Variants in ATRNL1 observed in about 807,000 individuals in gnomAD.
The protein encoded by ATRNL1 is attractin-like protein 1.
Under a neutral mutation model 182.7 loss-of-function variants are expected in ATRNL1, and 95 were observed. That is an observed-to-expected ratio of 0.52 (90% CI 0.44 to 0.62). The LOEUF (loss-of-function observed/expected upper bound fraction) is 0.62. Among genes scored for constraint, ATRNL1 ranks in the 20% least tolerant of loss-of-function variants. ATRNL1 has a pLI of 0.00. For synonymous variants in ATRNL1, 576 were observed against 568.3 expected (o/e 1.01, Z -0.19); for missense variants, 1,471 against 1,679.5 (o/e 0.88, Z 2.17).
intron 19 of ATRNL1, among the ~76,000 whole-genome samples, chr10:115,388,547 T>C (rs1369002156): frequency 1.3e-5 from 2 of 152,258 alleles, no homozygotes; most frequent in Non-Finnish European, 2.9e-5. Flanking sequence ...GGCTCTACTT[T>C]AGCGCATGTA....
intron 20 of ATRNL1, among the ~76,000 whole-genome samples, chr10:115,405,625 A>G (rs1192464567): frequency 5.3e-5 from 8 of 152,012 alleles, no homozygotes; most frequent in Admixed American, 4.6e-4. Flanking sequence ...CTGTAATGTG[A>G]TCCTATTCAA....
At chr10:115,441,723 A>G (rs1197014996) in intron 21 of ATRNL1, among the ~76,000 whole-genome samples, 1 of 151,922 alleles carries the variant, frequency 6.6e-6, no homozygotes, top group Non-Finnish European at 1.5e-5. Flanking sequence ...GTTTTTCCTC[A>G]TTTTATAAAA....
rs1169884107 is a variant in ATRNL1, at chr10:115,230,870, T to TGAGAGAGAGAGAGAGA, written c.1533-10664_1533-10649dup. Among the ~76,000 whole-genome samples, 352 of 83,690 alleles carry TGAGAGAGAGAGAGAGA rather than the reference T, an allele frequency of 4.2e-3. 7 individuals are homozygous for TGAGAGAGAGAGAGAGA. Among genetic ancestry groups the TGAGAGAGAGAGAGAGA allele is most frequent in the Middle Eastern group, 0.016 (2 of 124 alleles). The allele number at this position is 83,690 out of a possible 152,430, so 54.9% of individuals were successfully genotyped here. A position where few individuals can be genotyped will look rare whatever the true frequency, so the allele number is the denominator to read the frequency against. On this transcript the variant is annotated intron_variant, in intron 9 of 28. Transcript: ENST00000355044. ...ACTAGGGGACTGGATATAGAGTGGA[T>TGAGAGAGAGAGAGAGA]GAGAGAGAGAGAGAGAGAGAGAGAG...
intron 27 of ATRNL1, among the ~76,000 whole-genome samples, chr10:115,779,890 G>T (rs965338039): frequency 3.3e-5 from 5 of 152,146 alleles, no homozygotes; most frequent in Non-Finnish European, 7.4e-5. Flanking sequence ...TGGAAAAATG[G>T]TTCTTTGAGA....
intron 26 of ATRNL1, among the ~76,000 whole-genome samples, chr10:115,722,326 C>A (rs551255634): frequency 1.6e-3 from 248 of 152,142 alleles, no homozygotes; most frequent in Non-Finnish European, 3.0e-3. Context: ...TAATGACTAA[C>A]ATCACTATCT....
chr10:115,768,971 G>T (rs959158281), intron 27 of ATRNL1, among the ~76,000 whole-genome samples: 2 of 151,818 alleles, frequency 1.3e-5, no homozygotes, highest in East Asian at 1.9e-4. Flanking sequence ...AATTTAAATT[G>T]TATTATTAAA....
At chr10:115,397,515 A>G (rs1433125671) in intron 20 of ATRNL1, among the ~76,000 whole-genome samples, 4 of 151,992 alleles carry the variant, frequency 2.6e-5, no homozygotes, top group Admixed American at 2.6e-4. Context: ...CATTGCAACA[A>G]TACCACAATG....
intron 27 of ATRNL1, among the ~76,000 whole-genome samples, chr10:115,817,710 T>A (rs1950195265): frequency 6.6e-6 from 1 of 151,986 alleles, no homozygotes; most frequent in Non-Finnish European, 1.5e-5. Flanking sequence ...AACTGTTTCA[T>A]GCGCTGAATT....
chr10:115,510,887 G>T (rs1850353245), intron 24 of ATRNL1, among the ~76,000 whole-genome samples: 1 of 151,948 alleles, frequency 6.6e-6, no homozygotes, highest in Non-Finnish European at 1.5e-5. Context: ...GAGAATCACA[G>T]AAACCTCTTT....
chr10:115,526,485 C>T (rs1307177226), intron 25 of ATRNL1, among the ~76,000 whole-genome samples: 1 of 152,232 alleles, frequency 6.6e-6, no homozygotes, highest in Non-Finnish European at 1.5e-5. Flanking sequence ...TTTTCCCCAT[C>T]TTCCAAGCAC....
chr10:115,198,673 G>T (rs1395283209), intron 8 of ATRNL1, among the ~76,000 whole-genome samples: 1 of 151,768 alleles, frequency 6.6e-6, no homozygotes, highest in African/African-American at 2.4e-5. Context: ...ATTTTTAGTT[G>T]ATTTTTATAT....
At chr10:115,509,441 C>T (rs1198788734) in intron 24 of ATRNL1, among the ~76,000 whole-genome samples, 1 of 151,906 alleles carries the variant, frequency 6.6e-6, no homozygotes, top group Non-Finnish European at 1.5e-5. Context: ...AATGGTTTAG[C>T]ACCATCCCCT....
intron 20 of ATRNL1, among the ~76,000 whole-genome samples, chr10:115,410,607 C>G (rs1845087389): frequency 6.6e-6 from 1 of 151,726 alleles, no homozygotes; most frequent in Non-Finnish European, 1.5e-5. Context: ...GCATGAGCCA[C>G]CGCACCTGGC....
chr10:115,521,405 G>A (rs1412709500), intron 25 of ATRNL1, among the ~76,000 whole-genome samples: 7 of 151,950 alleles, frequency 4.6e-5, no homozygotes, highest in Admixed American at 2.6e-4. Context: ...TGCCCACCTC[G>A]GCCTCCCAAA....
At chr10:115,509,355 G>A (rs1206280900) in intron 24 of ATRNL1, among the ~76,000 whole-genome samples, 8 of 152,010 alleles carry the variant, frequency 5.3e-5, no homozygotes, top group Admixed American at 5.3e-4. Flanking sequence ...AAAATCTCAT[G>A]TTCAGTTGTA....
chr10:115,199,634 T>G (rs1304226565), intron 8 of ATRNL1, among the ~76,000 whole-genome samples: 1 of 152,104 alleles, frequency 6.6e-6, no homozygotes, highest in Non-Finnish European at 1.5e-5. Context: ...TATCTTGATA[T>G]CTGTGTAGAT....
chr10:115,803,411 A>G (rs1309023785), intron 27 of ATRNL1, among the ~76,000 whole-genome samples: 11 of 152,158 alleles, frequency 7.2e-5, no homozygotes, highest in African/African-American at 2.7e-4. Flanking sequence ...TAAGGACTAC[A>G]TTTTTAAATA....
chr10:115,923,581 C>T (rs561122648), intron 28 of ATRNL1, among the ~76,000 whole-genome samples: 1 of 152,256 alleles, frequency 6.6e-6, no homozygotes, highest in East Asian at 1.9e-4. Flanking sequence ...CTGCAAAGGA[C>T]ATGATCTCGT....
At chr10:115,917,105 GTCTAAC>G (rs1555117482) in intron 28 of ATRNL1, among the ~76,000 whole-genome samples, 1 of 152,170 alleles carries the variant, frequency 6.6e-6, no homozygotes, top group African/African-American at 2.4e-5. Context: ...TTGAGATGGC[GTCTAAC>G]TCTGACTGCC....
Sources: allele counts gnomAD v4.1 joint callset (sites outside exome capture counted in the v4.1 genomes callset), GRCh38; gene constraint gnomAD v4.1.1; transcripts MANE v1.5; gene names NCBI Gene and HGNC (gene_info 2026-07-23, HGNC 2026-07-21).